Variants in PDE8B observed in about 807,000 individuals in gnomAD.
PDE8B encodes the protein phosphodiesterase 8B.
In PDE8B, 26 loss-of-function variants were observed where a neutral mutation model predicts 101.3. The observed-to-expected ratio is 0.26, with a 90% CI of 0.19 to 0.36. PDE8B has a LOEUF of 0.36. Among genes scored for constraint, PDE8B ranks in the 10% least tolerant of loss-of-function variants. PDE8B has a pLI of 1.00. For synonymous variants in PDE8B, 424 were observed against 429.3 expected (o/e 0.99, Z 0.15); for missense variants, 810 against 1,163.1 (o/e 0.70, Z 4.42).
chr5:77,097,683 TTTTATATATCTATATATATATATCTATA>T, the PDE8B span, among the ~76,000 whole-genome samples: 57 of 66,408 alleles, frequency 8.6e-4, 1 homozygote, highest in African/African-American at 4.0e-3. Flanking sequence ...TTTGTGGAGA[TTTTATATATCTATATATATATATCTATA>T]TATATATATA....
the PDE8B span, among the ~76,000 whole-genome samples, chr5:77,183,511 G>A: frequency 6.6e-6 from 1 of 152,156 alleles, no homozygotes; most frequent in East Asian, 1.9e-4. Flanking sequence ...CCAGCCAGCT[G>A]GGTGTATTTA....
chr5:77,426,198 A>C, intron 21 of PDE8B: 1 of 594,606 alleles, frequency 1.7e-6, no homozygotes, highest in South Asian at 2.0e-5. Flanking sequence ...AACTCTAGAA[A>C]GAATGCAAAA....
the PDE8B span, among the ~76,000 whole-genome samples, chr5:77,138,905 T>G: frequency 6.6e-6 from 1 of 152,230 alleles, no homozygotes; most frequent in African/African-American, 2.4e-5. Flanking sequence ...AAGCAATTTC[T>G]ATTTTAATTT....
Position 77,233,812 on chromosome 5 carries a change from T to A in PDE8B, c.339+22548T>A, listed in dbSNP as rs571718839. 5.5e-3 allele frequency among the ~76,000 whole-genome samples: 827 copies of A among 151,166 alleles called. 2 individuals carry two copies. The highest frequency in any genetic ancestry group is 8.6e-3 in the Non-Finnish European group (582 of 67,704). The stretch of plus-strand genomic sequence containing the variant: ...GGTATGTTTGAGTTTTTTTTTTTTT[T>A]AATTTAAGGGGAAAAAGTTTGACTC... On this transcript the variant is annotated intron_variant, in intron 1 of 21. Transcript: ENST00000264917.
chr5:77,402,256 T>TAA (rs998671971), intron 11 of PDE8B, among the ~76,000 whole-genome samples: 7 of 151,852 alleles, frequency 4.6e-5, no homozygotes, highest in Non-Finnish European at 1.0e-4. Flanking sequence ...TAGATAATTG[T>TAA]AAAAATATAT....
the PDE8B span, among the ~76,000 whole-genome samples, chr5:77,190,585 C>A: frequency 6.6e-6 from 1 of 152,232 alleles, no homozygotes; most frequent in African/African-American, 2.4e-5. Context: ...TCACTGAAAT[C>A]TGATCTGACA....
chr5:77,290,456 T>A, intron 1 of PDE8B: 1 of 1,458,436 alleles, frequency 6.9e-7, no homozygotes, highest in Non-Finnish European at 9.6e-7. Context: ...ATGAAGAAAC[T>A]GTAAAGAAAG....
chr5:77,399,476 A>G (rs1251109066), intron 10 of PDE8B, among the ~76,000 whole-genome samples: 1 of 152,246 alleles, frequency 6.6e-6, no homozygotes, highest in African/African-American at 2.4e-5. Context: ...ACAAAGATTT[A>G]ATGGTCTGAG....
chr5:77,320,757 A>G (rs1486246092), intron 2 of PDE8B, among the ~76,000 whole-genome samples: 1 of 152,192 alleles, frequency 6.6e-6, no homozygotes, highest in Non-Finnish European at 1.5e-5. Flanking sequence ...CAGTTATAAC[A>G]CCATTAGTAA....
the PDE8B span, among the ~76,000 whole-genome samples, chr5:77,149,599 T>G: frequency 2.0e-5 from 3 of 152,232 alleles, no homozygotes; most frequent in Admixed American, 1.3e-4. Flanking sequence ...TTATTTCTGT[T>G]TATTCTTTTT....
At chr5:77,342,989 A>C (rs184291504) in intron 6 of PDE8B, among the ~76,000 whole-genome samples, 1 of 152,276 alleles carries the variant, frequency 6.6e-6, no homozygotes, top group East Asian at 1.9e-4. Flanking sequence ...TGGAGACTTA[A>C]CTTCTCCATG....
intron 1 of PDE8B, among the ~76,000 whole-genome samples, chr5:77,225,793 C>A (rs1752211087): frequency 6.6e-6 from 1 of 151,836 alleles, no homozygotes; most frequent in South Asian, 2.1e-4. Flanking sequence ...GACATAAATC[C>A]TGGTTCTTAA....
chr5:77,418,066 C>T (rs1382726320), intron 17 of PDE8B, among the ~76,000 whole-genome samples, 163 bp from the exon 18 acceptor site: 2 of 152,144 alleles, frequency 1.3e-5, no homozygotes, highest in African/African-American at 2.4e-5. Flanking sequence ...AGCGATGCTG[C>T]ATGTCCGAGG....
the PDE8B span, among the ~76,000 whole-genome samples, chr5:77,176,047 G>T: frequency 6.6e-6 from 1 of 152,182 alleles, no homozygotes; most frequent in South Asian, 2.1e-4. Context: ...GCCCTGAGTG[G>T]TCGGGCTTCT....
chr5:77,375,396 G>A (rs1785868171), intron 10 of PDE8B, among the ~76,000 whole-genome samples: 1 of 152,086 alleles, frequency 6.6e-6, no homozygotes, highest in African/African-American at 2.4e-5. Flanking sequence ...CAAAACTTTG[G>A]CAAAAAGTAT....
At chr5:77,225,634 AC>A (rs1752172093) in intron 1 of PDE8B, among the ~76,000 whole-genome samples, 2 of 152,110 alleles carry the variant, frequency 1.3e-5, no homozygotes, top group African/African-American at 4.8e-5. Context: ...TTGCTTCTGG[AC>A]TTTTTAAGTG....
chr5:77,214,171 CCT>C (rs1749131886), intron 1 of PDE8B, among the ~76,000 whole-genome samples: 1 of 152,168 alleles, frequency 6.6e-6, no homozygotes, highest in Non-Finnish European at 1.5e-5. Context: ...GATGGTTGAA[CCT>C]CTCTCTGGGA....
chr5:77,236,887 C>T (rs1274432920), intron 1 of PDE8B, among the ~76,000 whole-genome samples: 2 of 152,226 alleles, frequency 1.3e-5, no homozygotes, highest in Middle Eastern at 3.4e-3. Context: ...AAGAGACCTC[C>T]AACTGTAATT....
chr5:77,368,910 G>A (rs1244762264), intron 10 of PDE8B, among the ~76,000 whole-genome samples: 1 of 151,952 alleles, frequency 6.6e-6, no homozygotes, highest in Non-Finnish European at 1.5e-5. Flanking sequence ...AAAGACAAAA[G>A]AAAAAGAAGA....
Sources: gnomAD v4.1 joint callset for allele counts (sites outside exome capture counted in the v4.1 genomes callset) on GRCh38, gnomAD v4.1.1 for gene constraint, MANE v1.5 for transcripts, NCBI Gene and HGNC (gene_info 2026-07-23, HGNC 2026-07-21) for gene names.